Variants in LRRC4 observed in about 807,000 individuals in gnomAD.
The protein encoded by LRRC4 is leucine rich repeat containing 4.
Under a neutral mutation model 37.9 loss-of-function variants are expected in LRRC4, and 11 were observed. The ratio of observed to expected loss-of-function variants is 0.29; its 90% CI spans 0.18 to 0.48. LRRC4 has a LOEUF of 0.48. LRRC4 is among the 20% of genes least tolerant of loss of function. The probability of loss-of-function intolerance (pLI) is 0.99; values close to 1 mark genes in which losing one functional copy is unlikely to be tolerated. For missense variants in LRRC4, 717 were observed against 842.1 expected (o/e 0.85, Z 1.84); for synonymous variants, 404 against 346.7 (o/e 1.17, Z -1.84).
In LRRC4 at chr7:128,028,678, G is replaced by A. The variant is rs1584747028; in HGVS notation, c.*1C>T. 1 of 1,602,008 alleles carries A rather than the reference G, an allele frequency of 6.2e-7. No homozygotes were observed. Among genetic ancestry groups the A allele is most frequent in the African/African-American group, 1.3e-5 (1 of 74,366 alleles). ...TTTATAAGTTTTTTGGGGGAGGGGAGTCATATTTGAGTTTCCTGTACCTTG... is the reference window on the plus strand; with the variant it reads ...TTTATAAGTTTTTTGGGGGAGGGGAATCATATTTGAGTTTCCTGTACCTTG... On this transcript the variant is annotated 3_prime_UTR_variant, in exon 2 of 2. Transcript: ENST00000249363.
In LRRC4 at chr7:128,027,686, C is replaced by G. The variant is rs147853002; in HGVS notation, c.*993G>C. 6.6e-6 allele frequency: 1 copy of G among 152,182 alleles called. No individual in the cohort carries two copies. The highest frequency in any genetic ancestry group is 1.5e-5 in the Non-Finnish European group (1 of 68,038). The allele number at this position is 152,182 out of a possible 1,614,324, so 9.4% of individuals were successfully genotyped here. ...AACAAACAAAATCTTTTTTAAAAAT[C>G]ATAAAATGCCATCATTGTCTACAAT... On this transcript the variant is annotated 3_prime_UTR_variant, in exon 2 of 2. Coordinates refer to ENST00000249363, the MANE Select transcript of LRRC4 (RefSeq NM_022143.5).
Position 128,029,185 on chromosome 7 carries a change from C to A in LRRC4, c.1456G>T (p.Ala486Ser). ...VPTTSTGYQP[A>S]YTTSTTVLIQ... ...AGCACCGTGGTAGAGGTGGTATATG[C>A]CGGCTGGTAACCAGTGGACGTGGTA... The change falls in exon 2 of 2, where the codon GCA (alanine) becomes TCA (serine). Residue 486 changes from alanine to serine, a missense_variant. Ala to Ser is a moderately conservative substitution (Grantham distance 99). Around this residue, in one of 5 missense-constraint regions of LRRC4, gnomAD observed 293 missense variants for 268.3 expected, o/e 1.09. Coordinates refer to ENST00000249363, the MANE Select transcript of LRRC4 (RefSeq NM_022143.5). The surrounding 1 kb of genome is among the most constrained non-coding windows in gnomAD (Gnocchi z 4.2). The A allele has an allele frequency of 6.2e-7, 1 of 1,614,048 alleles. No individual in the cohort carries two copies. Among genetic ancestry groups the A allele is most frequent in the Non-Finnish European group, 8.5e-7 (1 of 1,180,022 alleles).
At chr7:128,032,106 G>A (rs1277129264), upstream of LRRC4, 1 of 151,948 alleles carries the variant, frequency 6.6e-6, no homozygotes, top group Non-Finnish European at 1.5e-5. Flanking sequence ...GAACGTGAAT[G>A]TACTGCTGAC....
At chr7:128,031,694 C>T (rs1792609238), upstream of LRRC4, 1 of 146,030 alleles carries the variant, frequency 6.8e-6, no homozygotes, top group Non-Finnish European at 1.5e-5. Flanking sequence ...CGCGCCCGCA[C>T]CGCAGGCCCC....
At position 128,028,648 on chromosome 7, in the gene LRRC4, T is replaced by C; in HGVS notation, c.*31A>G. 1 of 1,584,854 alleles carries C rather than the reference T, an allele frequency of 6.3e-7. No individual in the cohort carries two copies. The highest frequency in any genetic ancestry group is 8.6e-7 in the Non-Finnish European group (1 of 1,164,444). On this transcript the variant is annotated 3_prime_UTR_variant, in exon 2 of 2. Transcript: ENST00000249363. ...GTTGCTGTCTTTGTGTGCATTCTAT[T>C]GCATTTTATAAGTTTTTTGGGGGAG...
Position 128,029,423 on chromosome 7 carries a change from G to C in LRRC4, c.1218C>G (p.Asp406Glu), listed in dbSNP as rs532590910. Residue 406 changes from aspartate (D) to glutamate (E), a missense_variant, in exon 2 of 2, where the codon GAC becomes GAG. By Grantham distance (45) the Asp-to-Glu change is conservative (BLOSUM62 2). Transcript: ENST00000249363. The surrounding 1 kb of genome is among the most constrained non-coding windows in gnomAD (Gnocchi z 4.2). The stretch of plus-strand genomic sequence containing the variant: ...GCACGTGGGAAAAGTTCAAGGTGCC[G>C]TCGTTGAGGACAGAGATCCTTGGGT... ...SRHPRISVLNDGTLNFSHVLL... is the reference protein window; with the variant it reads ...SRHPRISVLNEGTLNFSHVLL... 2.5e-6 allele frequency: 4 copies of C among 1,614,084 alleles called. No homozygotes were observed. The highest frequency in any genetic ancestry group is 3.4e-6 in the Non-Finnish European group (4 of 1,180,054).
rs781707527 is a variant in LRRC4, at chr7:128,030,147, T to A, written c.494A>T (p.Tyr165Phe). The A allele has an allele frequency of 6.2e-7, 1 of 1,614,098 alleles. No homozygotes were observed. Among genetic ancestry groups the A allele is most frequent in the South Asian group, 1.1e-5 (1 of 91,078 alleles). Residue 165 changes from tyrosine (Y) to phenylalanine (F), a missense_variant, in exon 2 of 2, where the codon TAC (tyrosine) becomes TTC (phenylalanine). By Grantham distance (22) the Tyr-to-Phe change is conservative. Coordinates refer to ENST00000249363, the MANE Select transcript of LRRC4 (RefSeq NM_022143.5). ...RNNPIESIPS[Y>F]AFNRVPSLMR... ...GAGGGAGGGCACCCGGTTGAAGGCG[T>A]AAGAGGGGATGCTTTCGATGGGGTT... is the stretch of plus-strand genomic sequence containing the variant.
rs373622270 is a variant in LRRC4, at chr7:128,029,502, G to A, written c.1139C>T (p.Ser380Phe). Residue 380 changes from serine (S) to phenylalanine (F), a missense_variant, in exon 2 of 2, where the codon TCC (serine) becomes TTC (phenylalanine). By Grantham distance (155) the Ser-to-Phe change is radical. Coordinates refer to ENST00000249363, the MANE Select transcript of LRRC4 (RefSeq NM_022143.5). The surrounding 1 kb of genome is among the most constrained non-coding windows in gnomAD (Gnocchi z 4.2). The stretch of plus-strand genomic sequence containing the variant: ...ATTGGGCAGCAACCACTTCACGGAG[G>A]ACATAGGGGGAGTCCGACACTTAAG... ...AELKCRTPPM[S>F]SVKWLLPNGT... 2 of 1,614,098 alleles carry A rather than the reference G, an allele frequency of 1.2e-6. No homozygotes were observed. The highest frequency in any genetic ancestry group is 1.3e-5 in the African/African-American group (1 of 75,018).
Position 128,030,709 on chromosome 7 carries a change from G to A in LRRC4, c.-69C>T, listed in dbSNP as rs1203560001. 6.7e-7 allele frequency: 1 copy of A among 1,499,840 alleles called. No homozygotes were observed. The highest frequency in any genetic ancestry group is 8.9e-7 in the Non-Finnish European group (1 of 1,119,068). The allele number at this position is 1,499,840 out of a possible 1,614,324, so 92.9% of individuals were successfully genotyped here. ...CGGAAAGGAGAACCAGCCCTACCCCGGCTTAAGTGAGCTAGGAGCTCCTCT... is the reference window on the plus strand; with the variant it reads ...CGGAAAGGAGAACCAGCCCTACCCCAGCTTAAGTGAGCTAGGAGCTCCTCT... On this transcript the variant is annotated 5_prime_UTR_variant, in exon 2 of 2. Transcript: ENST00000249363.
At position 128,028,935 on chromosome 7, in the gene LRRC4, A is replaced by G. The variant is rs1792488085; in HGVS notation, c.1706T>C (p.Ile569Thr). The G allele has an allele frequency of 6.2e-7, 1 of 1,610,428 alleles. No homozygotes were observed. The highest frequency in any genetic ancestry group is 2.2e-5 in the East Asian group (1 of 44,828). ...TVTAARTVEI[I>T]QVDEDIPAAT... ...TGCTGGGATGTCTTCGTCCACCTGG[A>G]TTATCTCAACAGTCCGGGCGGCTGT... Residue 569 changes from isoleucine to threonine, a missense_variant, in exon 2 of 2, where the codon ATC (isoleucine) becomes ACC (threonine). Transcript: ENST00000249363.
In LRRC4 at chr7:128,030,251, C is replaced by A. The variant is rs764268218; in HGVS notation, c.390G>T (p.Leu130=). 1.9e-6 allele frequency: 3 copies of A among 1,614,240 alleles called. No homozygotes were observed. Among genetic ancestry groups the A allele is most frequent in the South Asian group, 2.2e-5 (2 of 91,092 alleles). ...GGATGACTGTCAGCCAGTTGTCGAA[C>A]AGCTCCAGGGTGTTGAGGCTGGCCA... ...NGLASLNTLE[L]FDNWLTVIPS... Residue 130 remains leucine (L), a synonymous_variant, in exon 2 of 2, where the codon CTG becomes CTT. Coordinates refer to ENST00000249363, the MANE Select transcript of LRRC4 (RefSeq NM_022143.5).
In LRRC4 at chr7:128,030,273, G is replaced by C; in HGVS notation, c.368C>G (p.Ala123Gly). Residue 123 changes from alanine (A) to glycine (G), a missense_variant, in exon 2 of 2, where the codon GCC becomes GGC. This residue lies in a region of LRRC4 where 138 missense variants were observed against 261.0 expected (regional missense o/e 0.53). Transcript: ENST00000249363. The stretch of plus-strand genomic sequence containing the variant: ...GAACAGCTCCAGGGTGTTGAGGCTG[G>C]CCAGGCCGTTGAAGGCCCCCACCTC... ...QIEVGAFNGL[A>G]SLNTLELFDN... 6.2e-7 allele frequency: 1 copy of C among 1,614,150 alleles called. No individual in the cohort carries two copies. Among genetic ancestry groups the C allele is most frequent in the Non-Finnish European group, 8.5e-7 (1 of 1,180,016 alleles).
Position 128,028,408 on chromosome 7 carries a change from C to T in LRRC4, c.*271G>A. ...CAATTTCAACCTTATACCAGAAATC[C>T]CTTCTGGCAGCATAGCAAGTTAACT... On this transcript the variant is annotated 3_prime_UTR_variant, in exon 2 of 2. Transcript: ENST00000249363. 3.0e-6 allele frequency: 1 copy of T among 338,844 alleles called. No homozygotes were observed. Among genetic ancestry groups the T allele is most frequent in the South Asian group, 5.6e-5 (1 of 18,010 alleles). The allele number at this position is 338,844 out of a possible 1,614,324, so 21.0% of individuals were successfully genotyped here.
rs1160646146 is a variant in LRRC4 at position 128,029,695 on chromosome 7, G to T, written c.946C>A (p.Arg316=). The T allele has an allele frequency of 6.2e-7, 1 of 1,613,908 alleles. No individual in the cohort carries two copies. Among genetic ancestry groups the T allele is most frequent in the East Asian group, 2.2e-5 (1 of 44,874 alleles). Residue 316 remains arginine, a synonymous_variant, in exon 2 of 2, where the codon CGA becomes AGA. Coordinates refer to ENST00000249363, the MANE Select transcript of LRRC4 (RefSeq NM_022143.5). The surrounding 1 kb of genome is among the most constrained non-coding windows in gnomAD (Gnocchi z 4.2). ...CDILWLAWWL[R]EYIPTNSTCC... ...GTGGAATTGGTGGGTATATACTCTC[G>T]AAGCCACCAGGCTAGCCACAGAATG...
In LRRC4 at chr7:128,029,620, C is replaced by T; in HGVS notation, c.1021G>A (p.Val341Met). The T allele has an allele frequency of 2.5e-6, 4 of 1,613,998 alleles. No individual in the cohort carries two copies. The highest frequency in any genetic ancestry group is 3.4e-6 in the Non-Finnish European group (4 of 1,180,004). ...TGGAAGGAGGCCTGGTCCACCTCCA[C>T]GAGGTAGCGGCCTCGCATGTGCATG... ...APMHMRGRYL[V>M]EVDQASFQCS... The change falls in exon 2 of 2, where the codon GTG (valine) becomes ATG (methionine). Residue 341 changes from valine to methionine, a missense_variant. Physicochemically the swap from Val to Met is conservative, Grantham distance 21 (BLOSUM62 1). Around this residue, in one of 5 missense-constraint regions of LRRC4, gnomAD observed 293 missense variants for 268.3 expected, o/e 1.09. Coordinates refer to ENST00000249363, the MANE Select transcript of LRRC4 (RefSeq NM_022143.5). The surrounding 1 kb of genome is among the most constrained non-coding windows in gnomAD (Gnocchi z 4.2).
Position 128,029,610 on chromosome 7 carries a change from T to C in LRRC4, c.1031A>G (p.Asp344Gly). 2 of 1,614,004 alleles carry C rather than the reference T, an allele frequency of 1.2e-6. No homozygotes were observed. The highest frequency in any genetic ancestry group is 1.7e-6 in the Non-Finnish European group (2 of 1,180,012). Residue 344 changes from aspartate to glycine, a missense_variant, in exon 2 of 2, where the codon GAC (aspartate) becomes GGC (glycine). Asp to Gly is a moderately conservative substitution (Grantham distance 94). Coordinates refer to ENST00000249363, the MANE Select transcript of LRRC4 (RefSeq NM_022143.5). The surrounding 1 kb of genome is among the most constrained non-coding windows in gnomAD (Gnocchi z 4.2). ...HMRGRYLVEV[D>G]QASFQCSAPF... is the part of the protein sequence containing the mutation. Reference sequence around the variant, plus strand: ...GGCAGAGCACTGGAAGGAGGCCTGGTCCACCTCCACGAGGTAGCGGCCTCG... The same window carrying C: ...GGCAGAGCACTGGAAGGAGGCCTGGCCCACCTCCACGAGGTAGCGGCCTCG...
Position 128,028,626 on chromosome 7 carries a change from GCTGT to G in LRRC4, c.*49_*52del, listed in dbSNP as rs1461904972. 1.3e-6 allele frequency: 2 copies of G among 1,515,310 alleles called. No individual in the cohort carries two copies. The highest frequency in any genetic ancestry group is 9.0e-7 in the Non-Finnish European group (1 of 1,115,284). 93.9% of individuals were successfully genotyped at this position (1,515,310 alleles called of 1,614,324 possible). Reference sequence around the variant, plus strand: ...TCTCTCCCCACTCTGTACAAAAGTTGCTGTCTTTGTGTGCATTCTATTGCATTTT... The same window carrying G: ...TCTCTCCCCACTCTGTACAAAAGTTGCTTTGTGTGCATTCTATTGCATTTT... On this transcript the variant is annotated 3_prime_UTR_variant, in exon 2 of 2. Coordinates refer to ENST00000249363, the MANE Select transcript of LRRC4 (RefSeq NM_022143.5).
chr7:128,029,547 G>A lies in LRRC4; in HGVS notation c.1094C>T (p.Ser365Phe), dbSNP rs1334152499. Reference sequence around the variant, plus strand: ...CTTAAGTTCTGCCATCCGACCCTCAGAAATGTTGAGGTCTCGAGGTGCGTC... The same window carrying A: ...CTTAAGTTCTGCCATCCGACCCTCAAAAATGTTGAGGTCTCGAGGTGCGTC... The part of the protein sequence containing the change: ...IMDAPRDLNI[S>F]EGRMAELKCR... Residue 365 changes from serine to phenylalanine, a missense_variant, in exon 2 of 2, where the codon TCT becomes TTT. This residue lies in a region of LRRC4 where 293 missense variants were observed against 268.3 expected (regional missense o/e 1.09). Coordinates refer to ENST00000249363, the MANE Select transcript of LRRC4 (RefSeq NM_022143.5). The surrounding 1 kb of genome is among the most constrained non-coding windows in gnomAD (Gnocchi z 4.2). 2 of 1,614,098 alleles carry A rather than the reference G, an allele frequency of 1.2e-6. No individual in the cohort carries two copies. The highest frequency in any genetic ancestry group is 3.3e-5 in the Admixed American group (2 of 60,018).
In LRRC4 at chr7:128,029,569, C is replaced by A. The variant is rs200804366; in HGVS notation, c.1072G>T (p.Ala358Ser). 1 of 1,613,962 alleles carries A rather than the reference C, an allele frequency of 6.2e-7. No individual in the cohort carries two copies. Reference sequence around the variant, plus strand: ...TCAGAAATGTTGAGGTCTCGAGGTGCGTCCATGATGAAGGGGGCAGAGCAC... The same window carrying A: ...TCAGAAATGTTGAGGTCTCGAGGTGAGTCCATGATGAAGGGGGCAGAGCAC... ...FQCSAPFIMD[A>S]PRDLNISEGR... Residue 358 changes from alanine (A) to serine (S), a missense_variant, in exon 2 of 2, where the codon GCA becomes TCA. Around this residue, in one of 5 missense-constraint regions of LRRC4, gnomAD observed 293 missense variants for 268.3 expected, o/e 1.09. Transcript: ENST00000249363. The surrounding 1 kb of genome is among the most constrained non-coding windows in gnomAD (Gnocchi z 4.2).
Sources: allele counts gnomAD v4.1 joint callset, GRCh38; gene constraint gnomAD v4.1.1; regional missense constraint gnomAD v4.1.1; non-coding constraint Gnocchi (gnomAD v3.1); transcripts MANE v1.5; gene names NCBI Gene and HGNC (gene_info 2026-07-23, HGNC 2026-07-21).